The following KIF15 variants were observed in gnomAD, a reference collection of about 807,000 sequenced individuals.
KIF15 encodes kinesin-like protein KIF15.
A neutral mutation model predicts 190.6 loss-of-function variants in KIF15; 140 were observed. The observed-to-expected ratio is 0.73, with a 90% CI of 0.64 to 0.84. The LOEUF (loss-of-function observed/expected upper bound fraction) is 0.84, where lower values mean the gene tolerates loss of function less well. KIF15 is among the 40% of genes least tolerant of loss of function. The probability of loss-of-function intolerance (pLI) is 0.00; values close to 1 mark genes in which losing one functional copy is unlikely to be tolerated. For missense variants in KIF15, 1,372 were observed against 1,584.4 expected, an observed-to-expected ratio of 0.87 and a Z score of 2.28; for synonymous variants, 528 against 551.3, an observed-to-expected ratio of 0.96 and a Z score of 0.59.
Position 44,800,333 on chromosome 3 carries a change from C to A in KIF15, c.1118C>A (p.Thr373Asn), listed in dbSNP as rs1223485531. The A allele has an allele frequency of 6.2e-7, 1 of 1,613,958 alleles. No individual in the cohort carries two copies. Among genetic ancestry groups the A allele is most frequent in the Non-Finnish European group, 8.5e-7 (1 of 1,179,986 alleles). Residue 373 changes from threonine (T) to asparagine (N), a missense_variant, in exon 11 of 35, where the codon ACC (threonine) becomes AAC (asparagine). Physicochemically the swap from Thr to Asn is moderately conservative, Grantham distance 65 (BLOSUM62 0). Coordinates refer to ENST00000326047, the MANE Select transcript of KIF15 (RefSeq NM_020242.3). ...IKNKAVVNED[T>N]QGNVSQLQAE... is the part of the protein sequence containing the mutation. ...GAACAGGCAGTAGTAAATGAAGACA[C>A]CCAAGGAAATGTGAGCCAGCTCCAA...
intron 11 of KIF15, among the ~76,000 whole-genome samples, chr3:44,801,126 G>A (rs540220660): frequency 6.8e-6 from 1 of 148,146 alleles, no homozygotes; most frequent in African/African-American, 2.5e-5. Context: ...TCCTGCCTCA[G>A]CCTCCTGAGT....
Position 44,848,503 on chromosome 3 carries a change from T to C in KIF15, c.3769-18T>C. 9.5e-7 allele frequency: 1 copy of C among 1,055,876 alleles called. No individual in the cohort carries two copies. The highest frequency in any genetic ancestry group is 1.4e-6 in the Non-Finnish European group (1 of 712,632). 65.4% of individuals were successfully genotyped at this position (1,055,876 alleles called of 1,614,324 possible). On this transcript the variant is annotated intron_variant, in intron 31 of 34. Transcript: ENST00000326047. ...ACCTAAGCAATCTTTTTATTTTCTT[T>C]TTTTAATCTTCTTATAGAGTAAAAT... is the stretch of plus-strand genomic sequence containing the variant.
chr3:44,820,766 G>T (rs974426526), intron 20 of KIF15, among the ~76,000 whole-genome samples: 1 of 152,128 alleles, frequency 6.6e-6, no homozygotes, highest in African/African-American at 2.4e-5. Flanking sequence ...ACACAAACAC[G>T]GCAACCATCC....
chr3:44,806,020 C>T, intron 16 of KIF15, 34 bp downstream of exon 16: 1 of 1,602,126 alleles, frequency 6.2e-7, no homozygotes, highest in South Asian at 1.1e-5. Context: ...CACCTTAAAT[C>T]AGTGCAATGT....
intron 6 of KIF15, among the ~76,000 whole-genome samples, chr3:44,860,207 C>A (rs1218040505): frequency 6.6e-6 from 1 of 152,142 alleles, no homozygotes; most frequent in African/African-American, 2.4e-5. Flanking sequence ...TTAAAGCATG[C>A]AGAGTTGATC....
chr3:44,849,372 C>T (rs564733032), intron 32 of KIF15, among the ~76,000 whole-genome samples: 1 of 152,274 alleles, frequency 6.6e-6, no homozygotes, highest in African/African-American at 2.4e-5. Flanking sequence ...CCTGTAATCC[C>T]AGCACTTTGG....
At chr3:44,806,047 G>T (rs1707484039) in intron 16 of KIF15, 61 bp downstream of exon 16, 1 of 1,551,104 alleles carries the variant, frequency 6.4e-7, no homozygotes, top group Non-Finnish European at 8.8e-7. Context: ...ATTAATAATG[G>T]AGAGAGTCTG....
At chr3:44,820,191 A>C (rs149240359) in intron 20 of KIF15, among the ~76,000 whole-genome samples, 2,826 of 152,056 alleles carry the variant, frequency 0.019, 75 homozygotes, top group African/African-American at 0.063. Context: ...GGTCTTGACT[A>C]TCCAATTTGC....
chr3:44,830,945 T>C lies in KIF15; in HGVS notation c.3098T>C (p.Ile1033Thr). Residue 1033 changes from isoleucine to threonine, a missense_variant, in exon 26 of 35, where the codon ATC (isoleucine) becomes ACC (threonine). Coordinates refer to ENST00000326047, the MANE Select transcript of KIF15 (RefSeq NM_020242.3). The part of the protein sequence containing the change: ...LVDREESRVL[I>T]KKQEVDILDL... ...GACAGAGAAGAGAGCAGAGTGTTGA[T>C]CAAGAAGCAGGAAGTGGATATTCTG... 1 of 1,614,058 alleles carries C rather than the reference T, an allele frequency of 6.2e-7. No individual in the cohort carries two copies. The highest frequency in any genetic ancestry group is 8.5e-7 in the Non-Finnish European group (1 of 1,179,992).
chr3:44,775,605 G>A lies in KIF15; in HGVS notation c.246+168G>A, dbSNP rs144123551. Reference sequence around the variant, plus strand: ...CGAGTAGCTAGGACTACAGGTGCGCGCCACCATGCCTAGCTAATTTTTGTA... The same window carrying A: ...CGAGTAGCTAGGACTACAGGTGCGCACCACCATGCCTAGCTAATTTTTGTA... On this transcript the variant is annotated intron_variant, in intron 3 of 34. Transcript: ENST00000326047. 2.0e-3 allele frequency among the ~76,000 whole-genome samples: 310 copies of A among 151,746 alleles called. 2 individuals carry two copies. The highest frequency in any genetic ancestry group is 6.8e-3 in the African/African-American group (281 of 41,422).
At chr3:44,856,124 A>G (rs936233951), downstream of KIF15, among the ~76,000 whole-genome samples, 2 of 152,152 alleles carry the variant, frequency 1.3e-5, no homozygotes, top group Admixed American at 6.5e-5. Flanking sequence ...CCCAGGAATT[A>G]TGGCGGACAA....
chr3:44,779,289 A>C (rs1056615952), intron 4 of KIF15, among the ~76,000 whole-genome samples: 3 of 152,100 alleles, frequency 2.0e-5, no homozygotes, highest in African/African-American at 7.2e-5. Context: ...AGAATCAGCC[A>C]TTTCACCAAT....
At chr3:44,799,046 A>G (rs1446622534) in intron 10 of KIF15, 2 of 339,864 alleles carry the variant, frequency 5.9e-6, no homozygotes, top group Non-Finnish European at 1.2e-5. Flanking sequence ...ATGGAGTACT[A>G]GTAAGATGAG....
At chr3:44,848,217 C>T (rs1265413495) in intron 31 of KIF15, among the ~76,000 whole-genome samples, 160 bp downstream of exon 31, 2 of 152,232 alleles carry the variant, frequency 1.3e-5, no homozygotes, top group Non-Finnish European at 2.9e-5. Context: ...TATTTAGACA[C>T]AGCTGAGAAT....
chr3:44,840,993 T>C, intron 28 of KIF15, 81 bp from the exon 29 acceptor site: 2 of 1,308,366 alleles, frequency 1.5e-6, no homozygotes, highest in Non-Finnish European at 2.2e-6. Context: ...ATATTTTTTA[T>C]GTACTTGACA....
At chr3:44,812,104 T>TTTAATGC (rs1260607563) in intron 17 of KIF15, 78 bp from the exon 18 acceptor site, 1 of 1,093,772 alleles carries the variant, frequency 9.1e-7, no homozygotes, top group Non-Finnish European at 1.4e-6. Context: ...TTGTTGTCTC[T>TTTAATGC]TTAATGCAGA....
At chr3:44,771,384 T>C (rs1434103798) in intron 1 of KIF15, among the ~76,000 whole-genome samples, 1 of 152,272 alleles carries the variant, frequency 6.6e-6, no homozygotes, top group South Asian at 2.1e-4. Context: ...TTGGAACATA[T>C]ATTAATATTA....
intron 26 of KIF15, among the ~76,000 whole-genome samples, chr3:44,832,353 C>A (rs184803920): frequency 6.6e-6 from 1 of 152,202 alleles, no homozygotes; most frequent in East Asian, 1.9e-4. Context: ...GACATTGAAC[C>A]CAGGCAGAAG....
Position 44,810,951 on chromosome 3 carries a change from A to T in KIF15, c.2077A>T (p.Ile693Leu). The change falls in exon 17 of 35, where the codon ATA becomes TTA. Residue 693 changes from isoleucine (I) to leucine (L), a missense_variant. Coordinates refer to ENST00000326047, the MANE Select transcript of KIF15 (RefSeq NM_020242.3). ...CTCTCTATACACTCAGAATTCTAGCATATTAGATAATGATATATTAAATGA... is the reference window on the plus strand; with the variant it reads ...CTCTCTATACACTCAGAATTCTAGCTTATTAGATAATGATATATTAAATGA... ...FGSLYTQNSS[I>L]LDNDILNEPV... The T allele has an allele frequency of 6.2e-7, 1 of 1,613,642 alleles. No individual in the cohort carries two copies. Among genetic ancestry groups the T allele is most frequent in the Non-Finnish European group, 8.5e-7 (1 of 1,179,740 alleles).
Sources: gnomAD v4.1 joint callset for allele counts (sites outside exome capture counted in the v4.1 genomes callset) on GRCh38, gnomAD v4.1.1 for gene constraint, MANE v1.5 for transcripts, NCBI Gene and HGNC (gene_info 2026-07-23, HGNC 2026-07-21) for gene names.